Variants in UNC79 observed in about 807,000 individuals in gnomAD.
UNC79 encodes the protein unc-79 subunit of NALCN channel complex.
UNC79 carries 37 observed loss-of-function variants against 283.1 expected under a neutral mutation model. The ratio of observed to expected loss-of-function variants is 0.13; its 90% confidence interval spans 0.10 to 0.17. The LOEUF (loss-of-function observed/expected upper bound fraction) is 0.17. Ranked by LOEUF, UNC79 falls within the 10% of genes least tolerant of loss-of-function variation. The pLI, the probability that UNC79 is intolerant of heterozygous loss-of-function variation, is 1.00. For missense variants in UNC79, 2,272 were observed against 3,211.1 expected (o/e 0.71, Z 7.07); for synonymous variants, 1,107 against 1,200.2 (o/e 0.92, Z 1.61).
At chr14:93,590,875 T>A (rs1468601144) in intron 22 of UNC79, among the ~76,000 whole-genome samples, 1 of 152,256 alleles carries the variant, frequency 6.6e-6, no homozygotes, top group African/African-American at 2.4e-5. Context: ...AAATTATATC[T>A]TCTTTTTCCT....
chr14:93,433,548 AT>A (rs879852595), intron 1 of UNC79, among the ~76,000 whole-genome samples: 46 of 149,112 alleles, frequency 3.1e-4, no homozygotes, highest in Middle Eastern at 3.5e-3. Context: ...AGGTCAGGGA[AT>A]TTTTTTTTTT....
intron 31 of UNC79, among the ~76,000 whole-genome samples, chr14:93,635,473 T>A (rs1011833947): frequency 6.6e-6 from 1 of 152,364 alleles, no homozygotes; most frequent in African/African-American, 2.4e-5. Flanking sequence ...GTATCGTGAT[T>A]AATACTTTCT....
At chr14:93,609,368 G>A (rs2066131574) in intron 26 of UNC79, among the ~76,000 whole-genome samples, 1 of 152,150 alleles carries the variant, frequency 6.6e-6, no homozygotes, top group Admixed American at 6.5e-5. Flanking sequence ...TGGAAAAGCA[G>A]ATCCTGATCC....
intron 1 of UNC79, among the ~76,000 whole-genome samples, chr14:93,424,624 A>G (rs537509351): frequency 1.2e-4 from 18 of 152,296 alleles, no homozygotes; most frequent in African/African-American, 4.3e-4. Flanking sequence ...GAACAACTTC[A>G]CATGTTCTCA....
intron 31 of UNC79, among the ~76,000 whole-genome samples, chr14:93,632,842 T>C (rs574616491): frequency 1.3e-5 from 2 of 152,266 alleles, no homozygotes; most frequent in Admixed American, 1.3e-4. Context: ...ATGATTGATC[T>C]AGACTTTGGA....
chr14:93,426,929 G>A (rs942620987), upstream of UNC79, among the ~76,000 whole-genome samples: 7 of 152,168 alleles, frequency 4.6e-5, no homozygotes, highest in African/African-American at 1.2e-4. Flanking sequence ...AATTTGGATT[G>A]TATCCTGGAC....
chr14:93,589,774 A>C (rs2064518956), intron 22 of UNC79, among the ~76,000 whole-genome samples: 1 of 152,106 alleles, frequency 6.6e-6, no homozygotes, highest in South Asian at 2.1e-4. Flanking sequence ...TCAAGAGAAA[A>C]TCTTAAGGCC....
chr14:93,634,785 A>G, intron 31 of UNC79, 148 bp downstream of exon 34: 1 of 703,550 alleles, frequency 1.4e-6, no homozygotes, highest in South Asian at 1.9e-5. Context: ...GGTAATTAGT[A>G]AGTCTATTTA....
intron 7 of UNC79, among the ~76,000 whole-genome samples, chr14:93,499,229 C>G (rs2059171155): frequency 6.6e-6 from 1 of 152,090 alleles, no homozygotes. Flanking sequence ...CTGTATATCA[C>G]AGATAGCAGA....
chr14:93,691,039 TG>T (rs1453186340), intron 45 of UNC79: 2 of 153,340 alleles, frequency 1.3e-5, no homozygotes, highest in Non-Finnish European at 2.9e-5. Context: ...ATGATCCAAA[TG>T]ATGTTCACAA....
chr14:93,385,674 T>C (rs1274612511), intron 1 of UNC79, among the ~76,000 whole-genome samples: 1 of 151,404 alleles, frequency 6.6e-6, no homozygotes, highest in East Asian at 2.0e-4. Context: ...AGCTACTTGG[T>C]AGGCTGAGGC....
chr14:93,686,441 G>A (rs2074246473), intron 42 of UNC79, 131 bp from the exon 46 acceptor site: 1 of 901,148 alleles, frequency 1.1e-6, no homozygotes, highest in African/African-American at 1.7e-5. Flanking sequence ...ACCAAGCTGA[G>A]AGTAATGGAG....
chr14:93,592,212 T>C (rs1329668553), intron 22 of UNC79, among the ~76,000 whole-genome samples: 1 of 148,796 alleles, frequency 6.7e-6, no homozygotes, highest in Non-Finnish European at 1.5e-5. Context: ...TCTCGCTCTG[T>C]CGCCCAGGCT....
At chr14:93,566,942 G>A (rs2062930269) in intron 14 of UNC79, among the ~76,000 whole-genome samples, 1 of 152,064 alleles carries the variant, frequency 6.6e-6, no homozygotes, top group Admixed American at 6.6e-5. Flanking sequence ...AAAAGACATG[G>A]TTAAACATGA....
chr14:93,407,689 A>G (rs2055254659), intron 1 of UNC79, among the ~76,000 whole-genome samples: 1 of 152,200 alleles, frequency 6.6e-6, no homozygotes, highest in Non-Finnish European at 1.5e-5. Context: ...GTAAGAAACT[A>G]TTTGGAAGGT....
chr14:93,501,123 G>A (rs1444968430), intron 7 of UNC79, among the ~76,000 whole-genome samples: 1 of 152,036 alleles, frequency 6.6e-6, no homozygotes, highest in African/African-American at 2.4e-5. Flanking sequence ...TCAGGAGTTG[G>A]AGACCAGCCT....
At chr14:93,619,954 C>T (rs1420370235) in intron 29 of UNC79, among the ~76,000 whole-genome samples, 1 of 152,114 alleles carries the variant, frequency 6.6e-6, no homozygotes, top group Non-Finnish European at 1.5e-5. Context: ...TTCAAAAGGA[C>T]GAAAGAAGAA....
intron 31 of UNC79, among the ~76,000 whole-genome samples, chr14:93,634,108 A>G (rs1257648101): frequency 6.6e-6 from 1 of 152,194 alleles, no homozygotes; most frequent in Non-Finnish European, 1.5e-5. Context: ...CACATACACA[A>G]GGACCTCATG....
chr14:93,390,359 T>A (rs2054859904), intron 1 of UNC79, among the ~76,000 whole-genome samples: 1 of 152,128 alleles, frequency 6.6e-6, no homozygotes, highest in Non-Finnish European at 1.5e-5. Flanking sequence ...AATAGGAAAA[T>A]CATTCTTAAT....
Sources: allele counts gnomAD v4.1 joint callset (sites outside exome capture counted in the v4.1 genomes callset), GRCh38; gene constraint gnomAD v4.1.1; transcripts MANE v1.5; gene names NCBI Gene and HGNC (gene_info 2026-07-23, HGNC 2026-07-21).